CARMIL2: variants seen among roughly 807,000 people sequenced by gnomAD.
CARMIL2 encodes capping protein, Arp2/3 and myosin-I linker protein 2.
Under a neutral mutation model 173.3 loss-of-function variants are expected in CARMIL2, and 96 were observed. The observed-to-expected ratio is 0.55, with a 90% confidence interval of 0.47 to 0.66. CARMIL2 has a LOEUF of 0.66. Among genes scored for constraint, CARMIL2 ranks in the 30% least tolerant of loss-of-function variants. The pLI is 0.00. For missense variants in CARMIL2, 1,771 were observed against 1,906.7 expected, an observed-to-expected ratio of 0.93 and a Z score of 1.33; for synonymous variants, 830 against 817.1, an observed-to-expected ratio of 1.02 and a Z score of -0.27.
Position 67,648,854 on chromosome 16 carries a change from A to T in CARMIL2, c.1510-39A>T. ...CCTGCCCCTCCCCACTCGCGGCCTA[A>T]GTGGGTCCCACTTCCCACCTCCCAC... On this transcript the variant is annotated intron_variant, in intron 16 of 37. Coordinates refer to ENST00000334583, the MANE Select transcript of CARMIL2 (RefSeq NM_001013838.3). This position sits in a 1 kb window ranked among gnomAD's most constrained non-coding sequence, Gnocchi z 6.1. The T allele has an allele frequency of 6.3e-7, 1 of 1,583,860 alleles. No homozygotes were observed. The highest frequency in any genetic ancestry group is 1.1e-5 in the South Asian group (1 of 87,270).
chr16:67,647,382 G>T lies in CARMIL2; in HGVS notation c.771G>T (p.Leu257=). The T allele has an allele frequency of 6.4e-7, 1 of 1,574,566 alleles. No individual in the cohort carries two copies. Among genetic ancestry groups the T allele is most frequent in the African/African-American group, 1.3e-5 (1 of 74,208 alleles). The change falls in exon 10 of 38, where the codon CTG becomes CTT. Residue 257 remains leucine, a synonymous_variant. Coordinates refer to ENST00000334583, the MANE Select transcript of CARMIL2 (RefSeq NM_001013838.3). ...AGCTGGTGCTGGAGACCTGCAGCCT[G>T]AGGGGGTGAGGGGGACAGGGCAGGG... ...LEELVLETCS[L]RGDFVRRLAQ...
Position 67,652,474 on chromosome 16 carries a change from T to C in CARMIL2, c.2820T>C (p.Asp940=). ...PEEKEEEKEK[D]DSPPQKWPEL... The stretch of plus-strand genomic sequence containing the variant: ...TGAGTTTGTGCCCTCCCCACCAGGA[T>C]GACAGTCCTCCACAGAAATGGCCTG... The change falls in exon 28 of 38, where the codon GAT becomes GAC. Residue 940 remains aspartate (D), a splice_region_variant and synonymous_variant. Transcript: ENST00000334583. This position sits in a 1 kb window ranked among gnomAD's most constrained non-coding sequence, Gnocchi z 4.7. The C allele has an allele frequency of 6.2e-7, 1 of 1,613,576 alleles. No homozygotes were observed. The highest frequency in any genetic ancestry group is 8.5e-7 in the Non-Finnish European group (1 of 1,179,778).
At position 67,647,608 on chromosome 16, in the gene CARMIL2, A is replaced by G. The variant is rs1192659746; in HGVS notation, c.871+6A>G. 3.1e-6 allele frequency: 5 copies of G among 1,608,764 alleles called. No homozygotes were observed. The South Asian group carries it at 5.6e-5, about 18-fold the overall frequency. ...GAACCTGCTGGATGACCGAGGTATG[A>G]CTGAGCCTGGGGACCGCAGGGGTGG... On this transcript the variant is annotated splice_donor_region_variant and intron_variant, in intron 11 of 37. Transcript: ENST00000334583.
intron 1 of CARMIL2, 52 bp from the exon 2 acceptor site, chr16:67,645,488 C>G (rs2052575814): frequency 7.4e-6 from 11 of 1,484,100 alleles, no homozygotes; most frequent in Non-Finnish European, 1.0e-5. Flanking sequence ...CTGTGGGCAC[C>G]AGTGGCTTCT....
Position 67,648,955 on chromosome 16 carries a change from C to T in CARMIL2, c.1572C>T (p.Ser524=), listed in dbSNP as rs756983970. The T allele has an allele frequency of 2.1e-5, 34 of 1,609,788 alleles. No homozygotes were observed. In the South Asian group the frequency reaches 3.2e-4, roughly 15 times the overall value. ...DLVCDAGAVS[S]LDLADNGFGS... The stretch of plus-strand genomic sequence containing the variant: ...TGTGCGACGCAGGCGCTGTGAGCTC[C>T]CTGGATCTGGCGGATAACGGTGAGG... Residue 524 remains serine (S), a synonymous_variant, in exon 17 of 38, where the codon TCC becomes TCT. Coordinates refer to ENST00000334583, the MANE Select transcript of CARMIL2 (RefSeq NM_001013838.3). The surrounding 1 kb of genome is among the most constrained non-coding windows in gnomAD (Gnocchi z 6.1).
chr16:67,646,600 C>A lies in CARMIL2; in HGVS notation c.466+83C>A. Reference sequence around the variant, plus strand: ...ACCCGCAAGCTGGGGGGGCCCCAAACTGAACAGAGCCATTCAGGTCCCAGC... The same window carrying A: ...ACCCGCAAGCTGGGGGGGCCCCAAAATGAACAGAGCCATTCAGGTCCCAGC... On this transcript the variant is annotated intron_variant, in intron 6 of 37. Transcript: ENST00000334583. This position sits in a 1 kb window ranked among gnomAD's most constrained non-coding sequence, Gnocchi z 4.6. 6.4e-7 allele frequency: 1 copy of A among 1,571,694 alleles called. No homozygotes were observed. The highest frequency in any genetic ancestry group is 8.7e-7 in the Non-Finnish European group (1 of 1,144,568).
At position 67,651,941 on chromosome 16, in the gene CARMIL2, C is replaced by T. The variant is rs750414069; in HGVS notation, c.2609C>T (p.Thr870Met). ...CTTAGGGACATGCGGCTATCAATCACGGGGACCTTGGCAGAGAGCATTGTG... is the reference window on the plus strand; with the variant it reads ...CTTAGGGACATGCGGCTATCAATCATGGGGACCTTGGCAGAGAGCATTGTG... ...TRLRDMRLSI[T>M]GTLAESIVAQ... The change falls in exon 26 of 38, where the codon ACG (threonine) becomes ATG (methionine). Residue 870 changes from threonine to methionine, a missense_variant. Thr to Met is a moderately conservative substitution (Grantham distance 81). Around this residue, in one of 3 missense-constraint regions of CARMIL2, gnomAD observed 817 missense variants for 903.5 expected, o/e 0.90. Transcript: ENST00000334583. This position sits in a 1 kb window ranked among gnomAD's most constrained non-coding sequence, Gnocchi z 4.2. 9 of 1,613,484 alleles carry T rather than the reference C, an allele frequency of 5.6e-6. No homozygotes were observed. The highest frequency in any genetic ancestry group is 5.3e-5 in the African/African-American group (4 of 74,944).
At position 67,648,076 on chromosome 16, in the gene CARMIL2, C is replaced by G; in HGVS notation, c.1096C>G (p.Pro366Ala). 1 of 1,612,774 alleles carries G rather than the reference C, an allele frequency of 6.2e-7. No individual in the cohort carries two copies. Among genetic ancestry groups the G allele is most frequent in the Non-Finnish European group, 8.5e-7 (1 of 1,179,482 alleles). Residue 366 changes from proline (P) to alanine (A), a missense_variant, in exon 14 of 38, where the codon CCT becomes GCT. Around this residue, in one of 3 missense-constraint regions of CARMIL2, gnomAD observed 944 missense variants for 975.6 expected, o/e 0.97. Transcript: ENST00000334583. The surrounding 1 kb of genome is among the most constrained non-coding windows in gnomAD (Gnocchi z 6.1). The part of the protein sequence containing the change: ...SGGLYSFLSR[P>A]NVLSFLNLAG... ...GGGCCTCTATAGCTTCCTGAGCCGT[C>G]CTAACGTACTGTCGTTCCTGAATCT... is the stretch of plus-strand genomic sequence containing the variant.
At chr16:67,656,718 C>G in intron 35 of CARMIL2, 73 bp downstream of exon 35, 1 of 1,565,504 alleles carries the variant, frequency 6.4e-7, no homozygotes, top group South Asian at 1.1e-5. Flanking sequence ...GAACTCAGCT[C>G]CTCTAAGGAC....
chr16:67,654,381 C>T lies in CARMIL2; in HGVS notation c.3271C>T (p.Pro1091Ser), dbSNP rs776088305. ...CACTGAGGGGGGCGCCACTCCTGTC[C>T]CCCGTACACTGCGAAAGAAGCTGGG... ...PATEGGATPVPRTLRKKLGTL... is the reference protein window; with the variant it reads ...PATEGGATPVSRTLRKKLGTL... Residue 1091 changes from proline to serine, a missense_variant, in exon 31 of 38, where the codon CCC becomes TCC. This residue lies in a region of CARMIL2 where 817 missense variants were observed against 903.5 expected (regional missense o/e 0.90). Coordinates refer to ENST00000334583, the MANE Select transcript of CARMIL2 (RefSeq NM_001013838.3). 1.9e-6 allele frequency: 3 copies of T among 1,606,738 alleles called. No individual in the cohort carries two copies. The South Asian group carries it at 3.3e-5, about 18-fold the overall frequency.
At position 67,645,211 on chromosome 16, in the gene CARMIL2, C is replaced by T. The variant is rs550691908; in HGVS notation, c.-36C>T. On this transcript the variant is annotated 5_prime_UTR_variant, in exon 1 of 38. Transcript: ENST00000334583. ...CGCGCTCGTCCTCTGCTGTTTCCCG[C>T]CGGAGCTCGTTGGGCCTCCCCGGCC... 1.7e-4 allele frequency: 267 copies of T among 1,543,040 alleles called. No homozygotes were observed. The highest frequency in any genetic ancestry group is 6.8e-4 in the Middle Eastern group (4 of 5,880).
At position 67,647,848 on chromosome 16, in the gene CARMIL2, A is replaced by G. The variant is rs780976235; in HGVS notation, c.961A>G (p.Met321Val). ...LAQTGLTPRG[M>V]RALGRALATN... ...GAGTGACCCCGACCCACCACCAGGA[A>G]TGAGGGCTCTGGGCCGGGCACTGGC... The change falls in exon 13 of 38, where the codon ATG becomes GTG. Residue 321 changes from methionine to valine, a missense_variant and splice_region_variant. Transcript: ENST00000334583. 26 of 1,608,512 alleles carry G rather than the reference A, an allele frequency of 1.6e-5. No homozygotes were observed. The highest frequency in any genetic ancestry group is 2.2e-5 in the Non-Finnish European group (26 of 1,177,912).
rs758761888 is a variant in CARMIL2, at chr16:67,651,334, G to A, written c.2313+19G>A. ...TCTCAGCGTGAGCACTCCCCCTCCT[G>A]CTACAAGGACCCTTCCCCTCTTAGT... is the stretch of plus-strand genomic sequence containing the variant. On this transcript the variant is annotated intron_variant, in intron 23 of 37. Transcript: ENST00000334583. The surrounding 1 kb of genome is among the most constrained non-coding windows in gnomAD (Gnocchi z 4.2). 1.7e-5 allele frequency: 28 copies of A among 1,612,200 alleles called. No homozygotes were observed. Among genetic ancestry groups the A allele is most frequent in the Non-Finnish European group, 2.3e-5 (27 of 1,178,870 alleles).
Position 67,651,096 on chromosome 16 carries a change from C to T in CARMIL2, c.2185-91C>T. On this transcript the variant is annotated intron_variant, in intron 22 of 37. Transcript: ENST00000334583. The surrounding 1 kb of genome is among the most constrained non-coding windows in gnomAD (Gnocchi z 4.2). ...GGTCTAAGGGTGTCAGCTTCAGGAC[C>T]TCCCTCTGTTAAAGAGCCTGGGAGG... The T allele has an allele frequency of 6.8e-7, 1 of 1,479,346 alleles. No homozygotes were observed. The highest frequency in any genetic ancestry group is 9.1e-7 in the Non-Finnish European group (1 of 1,093,060). 91.6% of individuals were successfully genotyped at this position (1,479,346 alleles called of 1,614,324 possible). A position where few individuals can be genotyped will look rare whatever the true frequency, so the allele number is the denominator to read the frequency against.
In CARMIL2 at chr16:67,648,511, C is replaced by G; in HGVS notation, c.1439+9C>G. 1 of 1,463,888 alleles carries G rather than the reference C, an allele frequency of 6.8e-7. No individual in the cohort carries two copies. The highest frequency in any genetic ancestry group is 9.0e-7 in the Non-Finnish European group (1 of 1,107,152). The allele number at this position is 1,463,888 out of a possible 1,614,324, so 90.7% of individuals were successfully genotyped here. ...CCGCCCGACGCGCTCAGGTCAGTGT[C>G]GGACCCCGGCCACGCCCCCGCGGGC... On this transcript the variant is annotated intron_variant, in intron 15 of 37. Transcript: ENST00000334583. The surrounding 1 kb of genome is among the most constrained non-coding windows in gnomAD (Gnocchi z 6.1).
intron 32 of CARMIL2, among the ~76,000 whole-genome samples, 181 bp from the exon 33 acceptor site, chr16:67,655,850 G>A (rs780438392): frequency 1.1e-4 from 16 of 152,200 alleles, no homozygotes; most frequent in South Asian, 2.1e-4. Context: ...ACATGAAGTC[G>A]GCCTGAATTT....
intron 33 of CARMIL2, 34 bp from the exon 34 acceptor site, chr16:67,656,194 G>T: frequency 6.2e-7 from 1 of 1,613,428 alleles, no homozygotes; most frequent in East Asian, 2.2e-5. Context: ...CACCTCCAAG[G>T]TCTGGTACCT....
chr16:67,656,289 T>C lies in CARMIL2; in HGVS notation c.3804T>C (p.Ser1268=), dbSNP rs769098697. ...PPISIKSRTH[S]VSADPSCRPG... ...TCTCGATCAAGTCCCGCACCCACTC[T>C]GTGTCTGCTGGTGAGTGAGGGCCAC... The change falls in exon 34 of 38, where the codon TCT becomes TCC. Residue 1268 remains serine, a synonymous_variant. Coordinates refer to ENST00000334583, the MANE Select transcript of CARMIL2 (RefSeq NM_001013838.3). 9.9e-6 allele frequency: 16 copies of C among 1,613,864 alleles called. No individual in the cohort carries two copies. Among genetic ancestry groups the C allele is most frequent in the African/African-American group, 1.3e-5 (1 of 74,934 alleles).
Position 67,653,004 on chromosome 16 carries a change from G to T in CARMIL2, c.2885-15G>T. The T allele has an allele frequency of 1.6e-6, 2 of 1,257,684 alleles. No homozygotes were observed. Among genetic ancestry groups the T allele is most frequent in the Non-Finnish European group, 1.0e-6 (1 of 978,130 alleles). The allele number at this position is 1,257,684 out of a possible 1,614,324, so 77.9% of individuals were successfully genotyped here. On this transcript the variant is annotated splice_polypyrimidine_tract_variant and intron_variant, in intron 28 of 37. Transcript: ENST00000334583. The surrounding 1 kb of genome is among the most constrained non-coding windows in gnomAD (Gnocchi z 7.4). ...GGGCTCGGCGCTCGGTGCTCTTCTGGTGCTGTCCCCTCAGGTGCTGCTGAG... is the reference window on the plus strand; with the variant it reads ...GGGCTCGGCGCTCGGTGCTCTTCTGTTGCTGTCCCCTCAGGTGCTGCTGAG...
Sources: gnomAD v4.1 joint callset for allele counts (sites outside exome capture counted in the v4.1 genomes callset) on GRCh38, gnomAD v4.1.1 for gene constraint, gnomAD v4.1.1 regional missense constraint, Gnocchi (gnomAD v3.1) non-coding constraint, MANE v1.5 for transcripts, NCBI Gene and HGNC (gene_info 2026-07-23, HGNC 2026-07-21) for gene names.